Variants in NRG1 observed in about 807,000 individuals in gnomAD.
NRG1 encodes neuregulin 1.
Under a neutral mutation model 63.8 loss-of-function variants are expected in NRG1, and 18 were observed. The ratio of observed to expected loss-of-function variants is 0.28; its 90% CI spans 0.19 to 0.42. NRG1 has a LOEUF of 0.42. Among genes scored for constraint, NRG1 ranks in the 10% least tolerant of loss-of-function variants. The pLI is 1.00. For missense variants in NRG1, 762 were observed against 814.7 expected (o/e 0.94, Z 0.79); for synonymous variants, 302 against 301.3 (o/e 1.00, Z -0.02).
At chr8:32,330,347 T>C (rs1225424194) in intron 1 of NRG1, among the ~76,000 whole-genome samples, 1 of 152,212 alleles carries the variant, frequency 6.6e-6, no homozygotes, top group Non-Finnish European at 1.5e-5. Context: ...TTTGAATTGT[T>C]CCAGATATAA....
At chr8:32,443,413 A>G (rs1819809599) in intron 1 of NRG1, among the ~76,000 whole-genome samples, 1 of 152,212 alleles carries the variant, frequency 6.6e-6, no homozygotes. Flanking sequence ...AGCATAAGTA[A>G]AGAAATAGTA....
chr8:31,834,301 A>T, intron 1 of NRG1, among the ~76,000 whole-genome samples: 1 of 145,420 alleles, frequency 6.9e-6, no homozygotes, highest in Admixed American at 6.9e-5. Context: ...GTGTGCGCGC[A>T]CGCGCGCACA....
intron 1 of NRG1, among the ~76,000 whole-genome samples, chr8:31,870,529 C>T (rs1177400134): frequency 5.3e-5 from 8 of 151,986 alleles, no homozygotes; most frequent in Non-Finnish European, 1.0e-4. Context: ...AGAATACCAG[C>T]TCTTTTTCAG....
chr8:32,271,013 T>C (rs960567353), intron 1 of NRG1, among the ~76,000 whole-genome samples: 3 of 152,164 alleles, frequency 2.0e-5, no homozygotes, highest in African/African-American at 7.2e-5. Flanking sequence ...ACTAGTTCCA[T>C]CAAAATATAA....
intron 1 of NRG1, among the ~76,000 whole-genome samples, chr8:31,689,921 T>C (rs1809316275): frequency 6.6e-6 from 1 of 152,202 alleles, no homozygotes; most frequent in Non-Finnish European, 1.5e-5. Context: ...AGGATGGTGA[T>C]ATTTGAGTAA....
At chr8:32,391,727 CTGTATA>C (rs1811795741) in intron 1 of NRG1, among the ~76,000 whole-genome samples, 1 of 152,084 alleles carries the variant, frequency 6.6e-6, no homozygotes, top group Non-Finnish European at 1.5e-5. Context: ...GTATTCCATG[CTGTATA>C]TGTACCATAT....
chr8:32,196,943 CTTTTTTTTTTTTTTTTTTT>C (rs773398472), intron 1 of NRG1, among the ~76,000 whole-genome samples: 3 of 27,444 alleles, frequency 1.1e-4, no homozygotes, highest in Admixed American at 7.9e-4. Context: ...TCAGAACATT[CTTTTTTTTTTTTTTTTTTT>C]TTTTTTTTTT....
chr8:32,063,954 G>GACCT (rs1824313402), intron 1 of NRG1, among the ~76,000 whole-genome samples: 1 of 152,044 alleles, frequency 6.6e-6, no homozygotes, highest in Non-Finnish European at 1.5e-5. Context: ...AGGAAGTGTG[G>GACCT]GCAGGGAGAA....
At chr8:32,015,630 A>C (rs1815401250) in intron 1 of NRG1, among the ~76,000 whole-genome samples, 1 of 152,124 alleles carries the variant, frequency 6.6e-6, no homozygotes, top group African/African-American at 2.4e-5. Context: ...GTAAATCTCT[A>C]TTTCTTAGAG....
At chr8:32,063,343 A>T (rs1409017419) in intron 1 of NRG1, 1 of 152,168 alleles carries the variant, frequency 6.6e-6, no homozygotes, top group Non-Finnish European at 1.5e-5. Context: ...TAGCGAAAGA[A>T]AAATACTTTC....
intron 1 of NRG1, among the ~76,000 whole-genome samples, chr8:31,983,862 T>C (rs1563647496): frequency 6.6e-6 from 1 of 152,038 alleles, no homozygotes; most frequent in African/African-American, 2.4e-5. Flanking sequence ...AGTCTTGCTA[T>C]AAGCTGAATC....
intron 6 of NRG1, among the ~76,000 whole-genome samples, chr8:32,736,561 G>T (rs576324312): frequency 1.1e-4 from 16 of 152,258 alleles, no homozygotes; most frequent in African/African-American, 3.6e-4. Context: ...GTAAACATAG[G>T]CATCAAATAA....
At chr8:31,833,563 C>G (rs935807633) in intron 1 of NRG1, among the ~76,000 whole-genome samples, 1 of 152,152 alleles carries the variant, frequency 6.6e-6, no homozygotes, top group Non-Finnish European at 1.5e-5. Context: ...TCCTTGGGCA[C>G]CAGTGGTTGC....
intron 1 of NRG1, among the ~76,000 whole-genome samples, chr8:32,556,910 G>A (rs1360652980): frequency 6.6e-6 from 1 of 152,204 alleles, no homozygotes; most frequent in Non-Finnish European, 1.5e-5. Flanking sequence ...AATTTGCAGT[G>A]ATATTTTTGT....
chr8:32,628,869 A>G (rs1426294215), intron 5 of NRG1, among the ~76,000 whole-genome samples: 1 of 151,332 alleles, frequency 6.6e-6, no homozygotes, highest in Non-Finnish European at 1.5e-5. Context: ...AGCAGCTGGG[A>G]TTACAGGTGT....
At chr8:31,826,988 G>T (rs1824632550) in intron 1 of NRG1, among the ~76,000 whole-genome samples, 1 of 152,084 alleles carries the variant, frequency 6.6e-6, no homozygotes. Flanking sequence ...ATTGTTCATT[G>T]GGCTTTGGCA....
chr8:32,294,678 A>G (rs1484376566), intron 1 of NRG1, among the ~76,000 whole-genome samples: 1 of 151,822 alleles, frequency 6.6e-6, no homozygotes, highest in Non-Finnish European at 1.5e-5. Flanking sequence ...GTTCACTTTT[A>G]CTCTTAGCTC....
chr8:32,201,248 T>C (rs1343901430), intron 1 of NRG1, among the ~76,000 whole-genome samples: 1 of 152,200 alleles, frequency 6.6e-6, no homozygotes, highest in Non-Finnish European at 1.5e-5. Context: ...TTTTGGTCTT[T>C]TATTGTTACT....
intron 1 of NRG1, among the ~76,000 whole-genome samples, chr8:31,751,851 A>G (rs1260223862): frequency 6.6e-6 from 1 of 151,978 alleles, no homozygotes; most frequent in South Asian, 2.1e-4. Flanking sequence ...TCATATAATA[A>G]AATGGATGGG....
Sources: gnomAD v4.1 joint callset for allele counts (sites outside exome capture counted in the v4.1 genomes callset) on GRCh38, gnomAD v4.1.1 for gene constraint, MANE v1.5 for transcripts, NCBI Gene and HGNC (gene_info 2026-07-23, HGNC 2026-07-21) for gene names.